The following WFDC3 variants were observed in gnomAD, a reference collection of about 807,000 sequenced individuals.
WFDC3 encodes WAP four-disulfide core domain protein 3.
In WFDC3, 15 loss-of-function variants were observed where a neutral mutation model predicts 25.8. That is an observed-to-expected ratio of 0.58 (90% CI 0.39 to 0.89). The LOEUF (loss-of-function observed/expected upper bound fraction) is 0.89, where lower values mean the gene tolerates loss of function less well. WFDC3 is among the 40% of genes least tolerant of loss of function. The pLI is 0.00. For synonymous variants in WFDC3, 103 were observed against 107.1 expected, an observed-to-expected ratio of 0.96 and a Z score of 0.24; for missense variants, 264 against 289.8, an observed-to-expected ratio of 0.91 and a Z score of 0.65.
At chr20:45,774,882 C>CAG (rs1352175873) in intron 6 of WFDC3, among the ~76,000 whole-genome samples, 1 of 147,766 alleles carries the variant, frequency 6.8e-6, no homozygotes, top group Non-Finnish European at 1.5e-5. Context: ...GCAGAGGTTG[C>CAG]AGTGAGTCGA....
At chr20:45,780,063 C>CTTTTT (rs3080097) in intron 4 of WFDC3, among the ~76,000 whole-genome samples, 3 of 88,582 alleles carry the variant, frequency 3.4e-5, no homozygotes, top group Non-Finnish European at 6.8e-5. Context: ...GCCTTTATAC[C>CTTTTT]TTTTTTTTTT....
At chr20:45,776,442 C>A (rs1352611734) in intron 5 of WFDC3, among the ~76,000 whole-genome samples, 2 of 150,368 alleles carry the variant, frequency 1.3e-5, no homozygotes, top group Non-Finnish European at 3.0e-5. Flanking sequence ...CCCATCTCTA[C>A]TAAAAATACA....
chr20:45,774,988 A>C (rs1601008863), intron 6 of WFDC3, among the ~76,000 whole-genome samples: 1 of 145,642 alleles, frequency 6.9e-6, no homozygotes, highest in Non-Finnish European at 1.5e-5. Flanking sequence ...TCCTTTACCC[A>C]CCCTGCCCCC....
At chr20:45,786,015 A>G (rs556232225) in intron 4 of WFDC3, among the ~76,000 whole-genome samples, 10 of 152,128 alleles carry the variant, frequency 6.6e-5, no homozygotes, top group Non-Finnish European at 1.5e-4. Flanking sequence ...TGGAATGTCC[A>G]TCGCACCCTT....
rs1259921556 is a variant in WFDC3 at position 45,777,286 on chromosome 20, TTATA to T, written c.359-81_359-78del. 5 of 1,227,664 alleles carry T rather than the reference TTATA, an allele frequency of 4.1e-6. No homozygotes were observed. The African/African-American group carries it at 7.9e-5, about 19-fold the overall frequency. 76.0% of individuals were successfully genotyped at this position (1,227,664 alleles called of 1,614,324 possible). On this transcript the variant is annotated intron_variant, in intron 4 of 6. Transcript: ENST00000243938. ...TTTTCATTGTGTCCCATGTGTATGT[TTATA>T]TATAGTTATATATTTATATACATAT...
intron 4 of WFDC3, among the ~76,000 whole-genome samples, chr20:45,785,460 CAA>C (rs59167815): frequency 6.8e-4 from 49 of 72,544 alleles, no homozygotes; most frequent in African/African-American, 1.1e-3. Context: ...CAGCCTGTCT[CAA>C]AAAAAAAAAA....
At position 45,787,953 on chromosome 20, in the gene WFDC3, G is replaced by A. The variant is rs80158904; in HGVS notation, c.241C>T (p.Arg81Trp). 3,253 of 1,613,748 alleles carry A rather than the reference G, an allele frequency of 2.0e-3. 63 individuals are homozygous for A. In the African/African-American group the frequency reaches 0.037, roughly 18 times the overall value. ...CACCTTTTCAAACAGGATTGTTTCCGAATAACCCTAGGGCAATCTCTTTTC... is the reference window on the plus strand; with the variant it reads ...CACCTTTTCAAACAGGATTGTTTCCAAATAACCCTAGGGCAATCTCTTTTC... Reference protein sequence around the residue: ...GRKRDCPRVIRKQSCLKRCIT... With the variant: ...GRKRDCPRVIWKQSCLKRCIT... Residue 81 changes from arginine to tryptophan, a missense_variant, in exon 4 of 7, where the codon CGG (arginine) becomes TGG (tryptophan). Coordinates refer to ENST00000243938, the MANE Select transcript of WFDC3 (RefSeq NM_080614.2).
intron 5 of WFDC3, among the ~76,000 whole-genome samples, chr20:45,776,654 A>ATGTGTGTGTGTGTGTG (rs1375221343): frequency 3.6e-5 from 4 of 111,334 alleles, no homozygotes; most frequent in Admixed American, 2.0e-4. Context: ...ATATATATAT[A>ATGTGTGTGTGTGTGTG]TATATATGTG....
chr20:45,784,561 C>G (rs766873478), intron 4 of WFDC3, among the ~76,000 whole-genome samples: 3 of 152,080 alleles, frequency 2.0e-5, no homozygotes, highest in Non-Finnish European at 4.4e-5. Flanking sequence ...GACCAACATG[C>G]TGAAAAGCCG....
At chr20:45,788,350 C>A (rs990034050) in intron 3 of WFDC3, 3 of 164,632 alleles carry the variant, frequency 1.8e-5, no homozygotes, top group Non-Finnish European at 2.6e-5. Context: ...CTGGCAACAC[C>A]CACGGGCACA....
chr20:45,780,057 T>TTA (rs890249369), intron 4 of WFDC3, among the ~76,000 whole-genome samples: 1 of 145,102 alleles, frequency 6.9e-6, no homozygotes, highest in Non-Finnish European at 1.5e-5. Flanking sequence ...TAGACAGCCT[T>TTA]TATACCTTTT....
intron 5 of WFDC3, among the ~76,000 whole-genome samples, chr20:45,775,816 C>CA (rs1980116450): frequency 6.7e-6 from 1 of 148,328 alleles, no homozygotes; most frequent in South Asian, 2.1e-4. Flanking sequence ...AATGGTGCCC[C>CA]AAAGGGAGTT....
At chr20:45,788,292 G>C (rs367888028) in intron 3 of WFDC3, 2 of 170,386 alleles carry the variant, frequency 1.2e-5, no homozygotes, top group South Asian at 3.5e-4. Flanking sequence ...CAACAAGAGC[G>C]AAACTCCGTC....
chr20:45,775,571 C>T lies in WFDC3; in HGVS notation c.525G>A (p.Val175=). The part of the protein sequence containing the change: ...GRGGDCPKVL[V]GLCIVGCVMD... ...TCACACAGCCAACAATGCACAGGCC[C>T]ACCAGAACTTTTGGACAATCACCGC... The change falls in exon 6 of 7, where the codon GTG becomes GTA. Residue 175 remains valine (V), a synonymous_variant. Transcript: ENST00000243938. 1 of 1,614,168 alleles carries T rather than the reference C, an allele frequency of 6.2e-7. No homozygotes were observed. The highest frequency in any genetic ancestry group is 1.1e-5 in the South Asian group (1 of 91,080).
intron 4 of WFDC3, among the ~76,000 whole-genome samples, chr20:45,780,585 T>C (rs1194524286): frequency 2.0e-5 from 3 of 151,948 alleles, no homozygotes; most frequent in South Asian, 2.1e-4. Flanking sequence ...GGAAGAGAAA[T>C]AGGAACAGTA....
chr20:45,786,594 G>C (rs954696274), intron 4 of WFDC3, among the ~76,000 whole-genome samples: 2 of 152,058 alleles, frequency 1.3e-5, no homozygotes, highest in Non-Finnish European at 2.9e-5. Context: ...AATATACCAG[G>C]AGCCCGTCAC....
chr20:45,781,495 T>C (rs1255229050), intron 4 of WFDC3, among the ~76,000 whole-genome samples: 3 of 152,226 alleles, frequency 2.0e-5, no homozygotes, highest in Non-Finnish European at 4.4e-5. Flanking sequence ...TACCCATGGC[T>C]ATGATTTATT....
intron 6 of WFDC3, among the ~76,000 whole-genome samples, chr20:45,774,663 C>T (rs1384563055): frequency 6.6e-6 from 1 of 152,176 alleles, no homozygotes; most frequent in Admixed American, 6.5e-5. Context: ...GAATTATGGT[C>T]GGGCACAGTG....
intron 4 of WFDC3, among the ~76,000 whole-genome samples, chr20:45,786,672 A>AGGTCACTG (rs2145688831): frequency 6.6e-6 from 1 of 152,320 alleles, no homozygotes; most frequent in South Asian, 2.1e-4. Context: ...ATGGATAATT[A>AGGTCACTG]GGTCACTGGG....
Sources: gnomAD v4.1 joint callset for allele counts (sites outside exome capture counted in the v4.1 genomes callset) on GRCh38, gnomAD v4.1.1 for gene constraint, MANE v1.5 for transcripts, NCBI Gene and HGNC (gene_info 2026-07-23, HGNC 2026-07-21) for gene names.